Variants in BAIAP2 observed in about 807,000 individuals in gnomAD.
The protein encoded by BAIAP2 is BAR/IMD domain containing adaptor protein 2, also known as BAR/IMD domain-containing adapter protein 2.
BAIAP2 carries 18 observed loss-of-function variants against 63.0 expected under a neutral mutation model. The observed-to-expected ratio is 0.29, with a 90% CI of 0.20 to 0.42. The LOEUF is 0.42. Ranked by LOEUF, BAIAP2 falls within the 10% of genes least tolerant of loss-of-function variation. The pLI, the probability that BAIAP2 is intolerant of heterozygous loss-of-function variation, is 1.00. For missense variants in BAIAP2, 610 were observed against 734.3 expected (o/e 0.83, Z 1.96); for synonymous variants, 386 against 307.6 (o/e 1.25, Z -2.67).
chr17:81,113,721 C>CT (rs1261004767), intron 13 of BAIAP2, among the ~76,000 whole-genome samples: 1 of 152,182 alleles, frequency 6.6e-6, no homozygotes, highest in Non-Finnish European at 1.5e-5. Flanking sequence ...CACGCTCCAC[C>CT]TGGTCCCACT....
intron 6 of BAIAP2, among the ~76,000 whole-genome samples, chr17:81,099,210 C>G (rs1168257289): frequency 8.9e-6 from 1 of 112,462 alleles, no homozygotes; most frequent in African/African-American, 3.4e-5. Context: ...GACCTCTTGT[C>G]TGATCCTCCC....
At chr17:81,076,856 A>G (rs1373623875) in intron 3 of BAIAP2, among the ~76,000 whole-genome samples, 5 of 152,174 alleles carry the variant, frequency 3.3e-5, no homozygotes, top group African/African-American at 1.2e-4. Flanking sequence ...CTGTAGTCCC[A>G]GCTCCTCGAG....
chr17:81,085,398 G>T, intron 4 of BAIAP2: 1 of 641,414 alleles, frequency 1.6e-6, no homozygotes, highest in Non-Finnish European at 2.9e-6. Flanking sequence ...AGGAGGGGAT[G>T]GCCGTTTGTT....
chr17:81,055,542 C>T (rs549518641), intron 2 of BAIAP2, among the ~76,000 whole-genome samples: 36 of 131,622 alleles, frequency 2.7e-4, no homozygotes, highest in African/African-American at 9.1e-4. Flanking sequence ...AAAGAGCTGT[C>T]CTTCCTCCAG....
Position 81,054,662 on chromosome 17 carries a change from C to T in BAIAP2, c.130+919C>T, listed in dbSNP as rs375581468. Among the ~76,000 whole-genome samples the T allele has an allele frequency of 2.6e-5, 4 of 152,254 alleles. No individual in the cohort carries two copies. The East Asian group carries it at 7.7e-4, about 29-fold the overall frequency. On this transcript the variant is annotated intron_variant, in intron 2 of 13. Transcript: ENST00000428708. The stretch of plus-strand genomic sequence containing the variant: ...GCTTCGGGTTTGAGAAATGAGCGAA[C>T]GCCCTGCAGCTCCTTCTCACAAAGA...
Position 81,104,016 on chromosome 17 carries a change from C to G in BAIAP2, c.974C>G (p.Ser325Cys), listed in dbSNP as rs371249844. The change falls in exon 9 of 14, where the codon TCT (serine) becomes TGT (cysteine). Residue 325 changes from serine to cysteine, a missense_variant. Ser to Cys is a moderately radical substitution (Grantham distance 112). Around this residue, in one of 5 missense-constraint regions of BAIAP2, gnomAD observed 389 missense variants for 455.6 expected, o/e 0.85. Transcript: ENST00000428708. ...DRKAAQPKSL[S>C]PPQSQSKLSD... ...AAGGCTGCCCAGCCCAAATCCCTGT[C>G]TCCTCCGCAGTCTCAGAGCAAGCTC... is the stretch of plus-strand genomic sequence containing the variant. The G allele has an allele frequency of 2.3e-5, 37 of 1,613,274 alleles. No individual in the cohort carries two copies. In the East Asian group the frequency reaches 5.1e-4, roughly 22 times the overall value.
chr17:81,085,694 A>G lies in BAIAP2; in HGVS notation c.320A>G (p.Gln107Arg). The stretch of plus-strand genomic sequence containing the variant: ...AACGAGCTGCTTACGCAGCTGGAGC[A>G]GAAGGTGGAGCTGGACTCCAGGTAT... The part of the protein sequence containing the change: ...FHNELLTQLE[Q>R]KVELDSRYLS... The change falls in exon 5 of 14, where the codon CAG becomes CGG. Residue 107 changes from glutamine to arginine, a missense_variant. Around this residue, in one of 5 missense-constraint regions of BAIAP2, gnomAD observed 389 missense variants for 455.6 expected, o/e 0.85. Transcript: ENST00000428708. The G allele has an allele frequency of 6.2e-7, 1 of 1,613,856 alleles. No individual in the cohort carries two copies. Among genetic ancestry groups the G allele is most frequent in the Non-Finnish European group, 8.5e-7 (1 of 1,180,008 alleles).
chr17:81,056,559 CTG>C (rs1269463272), intron 2 of BAIAP2: 1 of 152,258 alleles, frequency 6.6e-6, no homozygotes, highest in Non-Finnish European at 1.5e-5. Flanking sequence ...GGGCCGGGGC[CTG>C]TGTTCCCCTC....
intron 13 of BAIAP2, among the ~76,000 whole-genome samples, chr17:81,111,357 T>TA (rs2059908890): frequency 4.6e-5 from 7 of 152,106 alleles, no homozygotes; most frequent in Non-Finnish European, 1.5e-5. Flanking sequence ...CTCCTTCGGG[T>TA]GTGTGTGCCT....
chr17:81,108,688 G>A lies in BAIAP2; in HGVS notation c.1535+179G>A, dbSNP rs779719824. The A allele has an allele frequency of 2.7e-4, 246 of 901,066 alleles. 1 individual carries two copies. Among genetic ancestry groups the A allele is most frequent in the Middle Eastern group, 6.8e-4 (2 of 2,928 alleles). 55.8% of individuals were successfully genotyped at this position (901,066 alleles called of 1,614,324 possible). On this transcript the variant is annotated intron_variant, in intron 13 of 13. Coordinates refer to ENST00000428708, the MANE Select transcript of BAIAP2 (RefSeq NM_001144888.2). ...GCGTCCTGCTTTCTCCGAGTGACAC[G>A]GGAACCCCCCTGGGCCCTGCCCCTC...
At chr17:81,074,357 C>G (rs1440487101) in intron 3 of BAIAP2, among the ~76,000 whole-genome samples, 2 of 150,098 alleles carry the variant, frequency 1.3e-5, no homozygotes, top group Non-Finnish European at 1.5e-5. Flanking sequence ...TGCACTGGTA[C>G]ATGTGTCACT....
intron 3 of BAIAP2, among the ~76,000 whole-genome samples, chr17:81,070,557 T>C (rs1039548709): frequency 6.6e-6 from 1 of 152,140 alleles, no homozygotes; most frequent in Non-Finnish European, 1.5e-5. Context: ...GCAGAGGGGT[T>C]CCTAGTGGAC....
intron 7 of BAIAP2, among the ~76,000 whole-genome samples, chr17:81,103,040 T>C (rs1478910567): frequency 6.6e-6 from 1 of 152,224 alleles, no homozygotes; most frequent in African/African-American, 2.4e-5. Flanking sequence ...CCAAGGGCAG[T>C]GGTTGGAGCA....
chr17:81,042,032 G>A (rs898480843), intron 1 of BAIAP2, among the ~76,000 whole-genome samples: 1 of 152,084 alleles, frequency 6.6e-6, no homozygotes, highest in African/African-American at 2.4e-5. Flanking sequence ...CCCCTGAGCC[G>A]TCAGGGGTGC....
chr17:81,074,426 G>A (rs527943118), intron 3 of BAIAP2, among the ~76,000 whole-genome samples: 22 of 112,198 alleles, frequency 2.0e-4, no homozygotes, highest in African/African-American at 4.7e-4. Flanking sequence ...GTGTGAGTAC[G>A]TGTGTGTATG....
rs577324446 is a variant in BAIAP2 at position 81,096,092 on chromosome 17, G to A, written c.490-3836G>A. On this transcript the variant is annotated intron_variant, in intron 6 of 13. Transcript: ENST00000428708. ...AGCCTAGTTTACACTGCTGTCCTGGGGTGACCACTCCAAGCAGCACCTTCT... is the reference window on the plus strand; with the variant it reads ...AGCCTAGTTTACACTGCTGTCCTGGAGTGACCACTCCAAGCAGCACCTTCT... Among the ~76,000 whole-genome samples, 35 of 152,252 alleles carry A rather than the reference G, an allele frequency of 2.3e-4. 1 individual carries two copies. The Middle Eastern group carries it at 0.017, about 74-fold the overall frequency.
At chr17:81,105,953 G>C (rs1598812792) in intron 10 of BAIAP2, 125 bp from the exon 11 acceptor site, 1 of 784,022 alleles carries the variant, frequency 1.3e-6, no homozygotes, top group Non-Finnish European at 2.1e-6. Context: ...CACTGTCTCT[G>C]TTGCTCCAGA....
chr17:81,044,757 G>C lies in BAIAP2; in HGVS notation c.55-8911G>C, dbSNP rs73364028. Among the ~76,000 whole-genome samples, 514 of 152,348 alleles carry C rather than the reference G, an allele frequency of 3.4e-3. 4 individuals are homozygous for C. The highest frequency in any genetic ancestry group is 0.012 in the African/African-American group (502 of 41,574). On this transcript the variant is annotated intron_variant, in intron 1 of 13. Coordinates refer to ENST00000428708, the MANE Select transcript of BAIAP2 (RefSeq NM_001144888.2). The stretch of plus-strand genomic sequence containing the variant: ...TGGTTTTCCCTTCCAACCTCAGTCA[G>C]ATCGCAGCCCGCAGTTTATGACAAC...
intron 10 of BAIAP2, chr17:81,105,045 T>C (rs952922921): frequency 2.4e-5 from 5 of 211,580 alleles, no homozygotes; most frequent in Admixed American, 6.0e-5. Flanking sequence ...GCAGGGGTCT[T>C]TCCCCATGGC....
Sources: gnomAD v4.1 joint callset for allele counts (sites outside exome capture counted in the v4.1 genomes callset) on GRCh38, gnomAD v4.1.1 for gene constraint, gnomAD v4.1.1 regional missense constraint, MANE v1.5 for transcripts, NCBI Gene and HGNC (gene_info 2026-07-23, HGNC 2026-07-21) for gene names.